DSCAM: variants seen among roughly 807,000 people sequenced by gnomAD.
The protein encoded by DSCAM is DS cell adhesion molecule, also known as cell adhesion molecule DSCAM.
A neutral mutation model predicts 217.7 loss-of-function variants in DSCAM; 47 were observed. The ratio of observed to expected loss-of-function variants is 0.22; its 90% CI spans 0.17 to 0.28. DSCAM has a LOEUF of 0.28. Ranked by LOEUF, DSCAM falls within the 10% of genes least tolerant of loss-of-function variation. The pLI is 1.00. For synonymous variants in DSCAM, 1,056 were observed against 1,015.3 expected, an observed-to-expected ratio of 1.04 and a Z score of -0.76; for missense variants, 2,080 against 2,618.3, an observed-to-expected ratio of 0.79 and a Z score of 4.49.
At chr21:40,564,476 C>T (rs755237914) in intron 3 of DSCAM, among the ~76,000 whole-genome samples, 26 of 152,174 alleles carry the variant, frequency 1.7e-4, no homozygotes, top group Non-Finnish European at 3.7e-4. Context: ...CCTCCCACCA[C>T]CCTCCTCCTT....
At chr21:40,492,443 T>C (rs1337523064) in intron 3 of DSCAM, among the ~76,000 whole-genome samples, 1 of 152,088 alleles carries the variant, frequency 6.6e-6, no homozygotes, top group Non-Finnish European at 1.5e-5. Flanking sequence ...TCAAAAAATT[T>C]TTAAGAAACC....
chr21:40,305,410 G>GAAGAA (rs1030300463), intron 9 of DSCAM, among the ~76,000 whole-genome samples: 1 of 140,208 alleles, frequency 7.1e-6, no homozygotes, highest in African/African-American at 2.9e-5. Flanking sequence ...AAAAAAAAAG[G>GAAGAA]AAGAAAAGAA....
chr21:40,187,909 T>G lies in DSCAM; in HGVS notation c.2632A>C (p.Ile878Leu). 6.2e-7 allele frequency: 1 copy of G among 1,614,098 alleles called. No individual in the cohort carries two copies. The highest frequency in any genetic ancestry group is 8.5e-7 in the Non-Finnish European group (1 of 1,179,942). The part of the protein sequence containing the change: ...INSYGEDRGI[I>L]QLTVQEPPDP... The stretch of plus-strand genomic sequence containing the variant: ...TTCCTACCTTGCACTGTGAGCTGAA[T>G]TATTCCACGGTCCTCCCCATAAGAA... The change falls in exon 13 of 33, where the codon ATT (isoleucine) becomes CTT (leucine). Residue 878 changes from isoleucine to leucine, a missense_variant. Around this residue, in one of 5 missense-constraint regions of DSCAM, gnomAD observed 1,144 missense variants for 1,421.1 expected, o/e 0.81. Transcript: ENST00000400454.
intron 7 of DSCAM, 114 bp downstream of exon 7, chr21:40,339,005 A>G: frequency 1.5e-6 from 2 of 1,315,070 alleles, no homozygotes; most frequent in Non-Finnish European, 2.1e-6. Context: ...GGAAATGGGA[A>G]GCAACAGTTA....
chr21:40,344,114 G>A (rs994868110), intron 6 of DSCAM, among the ~76,000 whole-genome samples: 3 of 152,046 alleles, frequency 2.0e-5, no homozygotes, highest in African/African-American at 7.2e-5. Flanking sequence ...GGCCAGGCTG[G>A]TCTCAAACTC....
At chr21:40,307,453 G>A (rs2074091357) in intron 9 of DSCAM, among the ~76,000 whole-genome samples, 1 of 152,132 alleles carries the variant, frequency 6.6e-6, no homozygotes, top group Non-Finnish European at 1.5e-5. Context: ...GAGAGGATGT[G>A]GAGAAATAGG....
At position 40,011,406 on chromosome 21, in the gene DSCAM, G is replaced by A. The variant is rs931620897; in HGVS notation, c.*1628C>T. 29 of 152,206 alleles carry A rather than the reference G, an allele frequency of 1.9e-4. No individual in the cohort carries two copies. The highest frequency in any genetic ancestry group is 6.8e-4 in the African/African-American group (28 of 41,440). 9.4% of individuals were successfully genotyped at this position (152,206 alleles called of 1,614,324 possible). A position where few individuals can be genotyped will look rare whatever the true frequency, so the allele number is the denominator to read the frequency against. On this transcript the variant is annotated 3_prime_UTR_variant, in exon 33 of 33. Transcript: ENST00000400454. Reference sequence around the variant, plus strand: ...ACATTTCTGAATATGTTCCCAAGATGGTAATAACTGGCACCAGTCTATGTT... The same window carrying A: ...ACATTTCTGAATATGTTCCCAAGATAGTAATAACTGGCACCAGTCTATGTT...
intron 3 of DSCAM, among the ~76,000 whole-genome samples, chr21:40,679,517 T>C (rs1161861333): frequency 6.6e-6 from 1 of 152,238 alleles, no homozygotes; most frequent in East Asian, 1.9e-4. Context: ...AATGGGGTTG[T>C]CGAGAAGTTT....
At chr21:40,093,597 G>A in intron 21 of DSCAM, 124 bp downstream of exon 21, 1 of 1,201,228 alleles carries the variant, frequency 8.3e-7, no homozygotes, top group Non-Finnish European at 1.2e-6. Context: ...TGTTTCTTGA[G>A]CTAAAATGTG....
chr21:40,532,466 A>C (rs2076454819), intron 3 of DSCAM, among the ~76,000 whole-genome samples: 1 of 152,192 alleles, frequency 6.6e-6, no homozygotes, highest in South Asian at 2.1e-4. Flanking sequence ...ACAACACATA[A>C]ATAAGCAAGC....
At chr21:40,587,457 T>C (rs896636364) in intron 3 of DSCAM, among the ~76,000 whole-genome samples, 45 of 152,218 alleles carry the variant, frequency 3.0e-4, no homozygotes, top group African/African-American at 1.1e-3. Flanking sequence ...AAGAAAAAAA[T>C]GGTGTGTACC....
At chr21:40,615,690 G>GATGT (rs1205760283) in intron 3 of DSCAM, among the ~76,000 whole-genome samples, 2 of 152,134 alleles carry the variant, frequency 1.3e-5, no homozygotes, top group African/African-American at 4.8e-5. Context: ...AGCTAAGCTG[G>GATGT]ATGTATTAAG....
At chr21:40,603,268 C>T (rs1435791717) in intron 3 of DSCAM, among the ~76,000 whole-genome samples, 1 of 151,792 alleles carries the variant, frequency 6.6e-6, no homozygotes, top group Admixed American at 6.6e-5. Flanking sequence ...GTGAATAGAC[C>T]ATGTGAATTT....
chr21:40,371,795 C>T (rs771955761), intron 3 of DSCAM, among the ~76,000 whole-genome samples: 78 of 152,036 alleles, frequency 5.1e-4, no homozygotes, highest in Non-Finnish European at 8.8e-4. Context: ...GTGCGTAAAC[C>T]CATTTAAGCC....
intron 9 of DSCAM, among the ~76,000 whole-genome samples, chr21:40,299,816 T>TA (rs751003915): frequency 2.0e-5 from 3 of 152,160 alleles, no homozygotes; most frequent in African/African-American, 4.8e-5. Context: ...GTTTATTTTT[T>TA]AAAAAGTGCA....
intron 14 of DSCAM, among the ~76,000 whole-genome samples, chr21:40,186,308 A>G (rs1193384449): frequency 6.6e-6 from 1 of 152,176 alleles, no homozygotes; most frequent in Non-Finnish European, 1.5e-5. Flanking sequence ...GTAATCTGAA[A>G]TAACGTGCGG....
rs1418861992 is a variant in DSCAM at position 40,178,983 on chromosome 21, T to C, written c.2891A>G (p.Asn964Ser). ...GCTGGGCTCGCTCTTGCCAATCCGGTTCTTGGCGTACATGCGGATGCTGTA... is the reference window on the plus strand; with the variant it reads ...GCTGGGCTCGCTCTTGCCAATCCGGCTCTTGGCGTACATGCGGATGCTGTA... ...STYSIRMYAK[N>S]RIGKSEPSNE... Residue 964 changes from asparagine (N) to serine (S), a missense_variant, in exon 15 of 33, where the codon AAC becomes AGC. This residue lies in a region of DSCAM where 1,144 missense variants were observed against 1,421.1 expected (regional missense o/e 0.81). Transcript: ENST00000400454. 6.2e-7 allele frequency: 1 copy of C among 1,613,756 alleles called. No homozygotes were observed. Among genetic ancestry groups the C allele is most frequent in the African/African-American group, 1.3e-5 (1 of 74,846 alleles).
chr21:40,394,516 A>C (rs945618601), intron 3 of DSCAM, among the ~76,000 whole-genome samples: 5 of 152,226 alleles, frequency 3.3e-5, no homozygotes, highest in Admixed American at 3.3e-4. Context: ...ACTGCGTTTT[A>C]ACCGCTTCCA....
chr21:40,448,136 G>T (rs2075689845), intron 3 of DSCAM, among the ~76,000 whole-genome samples: 1 of 152,146 alleles, frequency 6.6e-6, no homozygotes, highest in Non-Finnish European at 1.5e-5. Context: ...ACTGGCTAAG[G>T]GATGCCCAGA....
Sources: gnomAD v4.1 joint callset for allele counts (sites outside exome capture counted in the v4.1 genomes callset) on GRCh38, gnomAD v4.1.1 for gene constraint, gnomAD v4.1.1 regional missense constraint, MANE v1.5 for transcripts, NCBI Gene and HGNC (gene_info 2026-07-23, HGNC 2026-07-21) for gene names.